HNF4A: variants seen among roughly 807,000 people sequenced by gnomAD.
HNF4A encodes the protein hepatocyte nuclear factor 4 alpha, also known as hepatocyte nuclear factor 4-alpha.
HNF4A carries 15 observed loss-of-function variants against 52.4 expected under a neutral mutation model. The observed-to-expected ratio is 0.29, with a 90% CI of 0.19 to 0.44. The LOEUF (loss-of-function observed/expected upper bound fraction) is 0.44, where lower values mean the gene tolerates loss of function less well. HNF4A is among the 20% of genes least tolerant of loss of function. The pLI is 1.00. For missense variants in HNF4A, 479 were observed against 647.2 expected (o/e 0.74, Z 2.82); for synonymous variants, 280 against 264.4 (o/e 1.06, Z -0.57).
At chr20:44,355,853 G>T in exon 1 of HNF4A, 2 of 1,611,076 alleles carry the variant, frequency 1.2e-6, no homozygotes, top group Non-Finnish European at 8.5e-7. Flanking sequence ...GAGTTCTTAC[G>T]GTAAGTGGGG....
At chr20:44,400,385 T>C (rs1265824661), upstream of HNF4A, among the ~76,000 whole-genome samples, 1 of 152,130 alleles carries the variant, frequency 6.6e-6, no homozygotes, top group Non-Finnish European at 1.5e-5. Context: ...CCCCACTTGG[T>C]GCTTGATTTA....
chr20:44,416,618 G>A (rs898611302), intron 5 of HNF4A, among the ~76,000 whole-genome samples: 2 of 152,182 alleles, frequency 1.3e-5, no homozygotes, highest in African/African-American at 4.8e-5. Context: ...TTCCTCACAG[G>A]TTTCTATCCA....
intron 1 of HNF4A, among the ~76,000 whole-genome samples, chr20:44,369,270 A>C (rs2063006002): frequency 6.7e-6 from 1 of 148,716 alleles, no homozygotes; most frequent in African/African-American, 2.5e-5. Context: ...AAAAAAAAAA[A>C]AAAAAAAACT....
rs1021111875 is a variant in HNF4A at position 44,430,303 on chromosome 20, G to A, written c.*638G>A. On this transcript the variant is annotated 3_prime_UTR_variant, in exon 10 of 10. Coordinates refer to ENST00000316099, the MANE Select transcript of HNF4A (RefSeq NM_000457.6). ...ACCAGGCACCAGGCAGGGTCTAGAA[G>A]GCTGTGGTGAGGGAAGACGCCTTTC... 2 of 152,688 alleles carry A rather than the reference G, an allele frequency of 1.3e-5. No individual in the cohort carries two copies. Among genetic ancestry groups the A allele is most frequent in the Non-Finnish European group, 2.9e-5 (2 of 68,326 alleles). 9.5% of individuals were successfully genotyped at this position (152,688 alleles called of 1,614,324 possible). A position where few individuals can be genotyped will look rare whatever the true frequency, so the allele number is the denominator to read the frequency against.
chr20:44,404,936 GTGCGTGTGTGGGAAC>G (rs1425021022), intron 1 of HNF4A, among the ~76,000 whole-genome samples: 2 of 128,636 alleles, frequency 1.6e-5, no homozygotes, highest in African/African-American at 3.0e-5. Flanking sequence ...TGTGGTGTGT[GTGCGTGTGTGGGAAC>G]TGTGTGGTGT....
chr20:44,362,876 C>G (rs1013271853), intron 1 of HNF4A, among the ~76,000 whole-genome samples: 1 of 147,176 alleles, frequency 6.8e-6, no homozygotes, highest in Non-Finnish European at 1.5e-5. Flanking sequence ...GAGTCTTGCT[C>G]TGCTGCCCAG....
chr20:44,361,748 CTG>C (rs1227202232), intron 1 of HNF4A, among the ~76,000 whole-genome samples: 1 of 152,028 alleles, frequency 6.6e-6, no homozygotes, highest in Non-Finnish European at 1.5e-5. Flanking sequence ...AGATCTTAAA[CTG>C]TGCTCAGTTT....
rs1479424235 is a variant in HNF4A, at chr20:44,413,673, C to T, written c.386-21C>T. 5 of 1,594,936 alleles carry T rather than the reference C, an allele frequency of 3.1e-6. No homozygotes were observed. The African/African-American group carries it at 6.7e-5, about 21-fold the overall frequency. On this transcript the variant is annotated intron_variant, in intron 3 of 9. Coordinates refer to ENST00000316099, the MANE Select transcript of HNF4A (RefSeq NM_000457.6). ...ACTCCATCCCTGTTCTCCCTCCTCA[C>T]CTCTCTGTGCCTCCTCACAGCCGTC...
chr20:44,410,671 AT>A (rs1206094056), intron 3 of HNF4A, among the ~76,000 whole-genome samples: 2 of 152,058 alleles, frequency 1.3e-5, no homozygotes, highest in African/African-American at 4.8e-5. Flanking sequence ...GAAAGGTAGG[AT>A]TTCAAGACCA....
chr20:44,403,619 C>T (rs1041307291), intron 1 of HNF4A, among the ~76,000 whole-genome samples: 17 of 152,210 alleles, frequency 1.1e-4, no homozygotes, highest in Non-Finnish European at 2.9e-5. Flanking sequence ...CCTCTCCCCA[C>T]CCCAATGGAG....
intron 4 of HNF4A, 150 bp from the exon 5 acceptor site, chr20:44,414,357 T>G: frequency 2.3e-5 from 26 of 1,110,068 alleles, no homozygotes; most frequent in Middle Eastern, 2.6e-4. Context: ...CTCCCTCCGT[T>G]TTTACCCTGA....
intron 1 of HNF4A, chr20:44,390,610 T>C: frequency 1.4e-6 from 1 of 702,440 alleles, no homozygotes; most frequent in Non-Finnish European, 2.6e-6. Flanking sequence ...GGTTGTGCAC[T>C]GTGCGGGACC....
chr20:44,392,855 C>T (rs2063317177), intron 1 of HNF4A, among the ~76,000 whole-genome samples: 1 of 152,224 alleles, frequency 6.6e-6, no homozygotes, highest in Non-Finnish European at 1.5e-5. Flanking sequence ...AGGCACCCCA[C>T]TCTGGGCAGG....
In HNF4A at chr20:44,432,631, T is replaced by C. The variant is rs1056954655; in HGVS notation, c.*2966T>C. On this transcript the variant is annotated 3_prime_UTR_variant, in exon 10 of 10. Transcript: ENST00000316099. ...TGTGATCTGCCCTGATTAAGATGAA[T>C]TGTGAAATTTACATCAAGCAATTAT... The C allele has an allele frequency of 2.6e-5, 4 of 152,102 alleles. No homozygotes were observed. Among genetic ancestry groups the C allele is most frequent in the African/African-American group, 4.8e-5 (2 of 41,418 alleles). The allele number at this position is 152,102 out of a possible 1,614,324, so 9.4% of individuals were successfully genotyped here.
chr20:44,434,518 C>CA (rs1310335285), downstream of HNF4A: 18 of 73,956 alleles, frequency 2.4e-4, no homozygotes, highest in Admixed American at 2.1e-3. Context: ...GGGACAAGCG[C>CA]GGGGGGGGGG....
chr20:44,424,615 A>G lies in HNF4A; in HGVS notation c.1129+361A>G. The G allele has an allele frequency of 3.6e-6, 5 of 1,408,344 alleles. No homozygotes were observed. The South Asian group carries it at 7.5e-5, about 21-fold the overall frequency. The allele number at this position is 1,408,344 out of a possible 1,614,324, so 87.2% of individuals were successfully genotyped here. ...TGTATATAAAGCCTCACATTTTATGATTTTGAAATAAACAGGTAATATGAT... is the reference window on the plus strand; with the variant it reads ...TGTATATAAAGCCTCACATTTTATGGTTTTGAAATAAACAGGTAATATGAT... On this transcript the variant is annotated intron_variant, in intron 8 of 9. Coordinates refer to ENST00000316099, the MANE Select transcript of HNF4A (RefSeq NM_000457.6).
chr20:44,369,114 T>C (rs1189067599), intron 1 of HNF4A, among the ~76,000 whole-genome samples: 2 of 151,762 alleles, frequency 1.3e-5, no homozygotes, highest in African/African-American at 4.8e-5. Context: ...CTGGGCATAG[T>C]GGCGGGCACC....
At chr20:44,419,978 A>C in intron 7 of HNF4A, 102 bp downstream of exon 7, 8 of 1,225,780 alleles carry the variant, frequency 6.5e-6, no homozygotes, top group Non-Finnish European at 9.7e-6. Flanking sequence ...GCCTCATCTC[A>C]TGTTAACGAC....
chr20:44,414,648 C>A lies in HNF4A; in HGVS notation c.634C>A (p.Pro212Thr), dbSNP rs112945683. 6.2e-7 allele frequency: 1 copy of A among 1,608,108 alleles called. No individual in the cohort carries two copies. The highest frequency in any genetic ancestry group is 8.5e-7 in the Non-Finnish European group (1 of 1,177,142). Residue 212 changes from proline (P) to threonine (T), a missense_variant, in exon 5 of 10, where the codon CCC becomes ACC. Pro to Thr is a conservative substitution (Grantham distance 38). This residue lies in a region of HNF4A where 389 missense variants were observed against 525.1 expected (regional missense o/e 0.74). Transcript: ENST00000316099. The stretch of plus-strand genomic sequence containing the variant: ...GTACATCCCAGCTTTCTGCGAGCTC[C>A]CCCTGGACGACCAGGTGAGGATGGG...
Sources: gnomAD v4.1 joint callset for allele counts (sites outside exome capture counted in the v4.1 genomes callset) on GRCh38, gnomAD v4.1.1 for gene constraint, gnomAD v4.1.1 regional missense constraint, MANE v1.5 for transcripts, NCBI Gene and HGNC (gene_info 2026-07-23, HGNC 2026-07-21) for gene names.